ABI1: variants seen among roughly 807,000 people sequenced by gnomAD.
ABI1 encodes abl interactor 1.
ABI1 carries 14 observed loss-of-function variants against 54.6 expected under a neutral mutation model. That is an observed-to-expected ratio of 0.26 (90% CI 0.17 to 0.40). The LOEUF (loss-of-function observed/expected upper bound fraction) is 0.40, where lower values mean the gene tolerates loss of function less well. ABI1 is among the 10% of genes least tolerant of loss of function. The pLI, the probability that ABI1 is intolerant of heterozygous loss-of-function variation, is 1.00. For missense variants in ABI1, 443 were observed against 598.3 expected (o/e 0.74, Z 2.71); for synonymous variants, 194 against 209.3 (o/e 0.93, Z 0.63).
At chr10:26,786,566 C>A (rs1460474614) in intron 2 of ABI1, among the ~76,000 whole-genome samples, 1 of 152,128 alleles carries the variant, frequency 6.6e-6, no homozygotes, top group Non-Finnish European at 1.5e-5. Flanking sequence ...AGGTCCAGCA[C>A]TAGTACAAAT....
chr10:26,777,902 A>G (rs1841625091), intron 2 of ABI1, among the ~76,000 whole-genome samples: 1 of 152,124 alleles, frequency 6.6e-6, no homozygotes. Context: ...TTACAACACA[A>G]TGAGGCAAGT....
intron 6 of ABI1, among the ~76,000 whole-genome samples, chr10:26,767,763 A>T (rs973672215): frequency 6.6e-6 from 1 of 152,144 alleles, no homozygotes; most frequent in Non-Finnish European, 1.5e-5. Flanking sequence ...TAATAAATAC[A>T]AGGCCAGGAG....
chr10:26,751,950 ATCATT>A (rs1837688798), intron 9 of ABI1, among the ~76,000 whole-genome samples, 167 bp from the exon 10 acceptor site: 1 of 152,194 alleles, frequency 6.6e-6, no homozygotes, highest in African/African-American at 2.4e-5. Context: ...CTACTCAAGA[ATCATT>A]TAAAAATAAC....
chr10:26,853,907 C>G (rs960527214), intron 1 of ABI1, among the ~76,000 whole-genome samples: 1 of 152,108 alleles, frequency 6.6e-6, no homozygotes, highest in African/African-American at 2.4e-5. Context: ...GCACAATATC[C>G]TAGAGTTTGA....
At chr10:26,810,336 C>T (rs2047149858) in intron 2 of ABI1, among the ~76,000 whole-genome samples, 2 of 152,130 alleles carry the variant, frequency 1.3e-5, no homozygotes, top group South Asian at 4.1e-4. Flanking sequence ...ATGCAATCTG[C>T]ACCAGCCCCA....
chr10:26,800,308 C>G (rs2133356395), intron 2 of ABI1, among the ~76,000 whole-genome samples: 1 of 152,228 alleles, frequency 6.6e-6, no homozygotes, highest in East Asian at 1.9e-4. Context: ...TCGCTTGAAC[C>G]CTGGAGGCAG....
intron 1 of ABI1, among the ~76,000 whole-genome samples, chr10:26,843,974 ATG>A (rs1158507466): frequency 6.6e-6 from 1 of 152,208 alleles, no homozygotes; most frequent in Admixed American, 6.5e-5. Context: ...TGAACAGAAT[ATG>A]TCAGGACATA....
intron 8 of ABI1, among the ~76,000 whole-genome samples, chr10:26,757,928 T>TGTA (rs1295144487): frequency 2.0e-5 from 3 of 151,274 alleles, no homozygotes; most frequent in Non-Finnish European, 4.4e-5. Flanking sequence ...ATTGGCTAGG[T>TGTA]GTAGTGGCAG....
intron 2 of ABI1, among the ~76,000 whole-genome samples, chr10:26,809,652 T>C (rs1038885567): frequency 5.9e-5 from 9 of 152,210 alleles, no homozygotes; most frequent in African/African-American, 9.6e-5. Flanking sequence ...AGAATCAATA[T>C]ATAAGCCTTA....
At position 26,848,324 on chromosome 10, in the gene ABI1, A is replaced by C. The variant is rs181936494; in HGVS notation, c.117+12423T>G. Among the ~76,000 whole-genome samples the C allele has an allele frequency of 1.2e-3, 178 of 152,152 alleles. 1 individual carries two copies. In the South Asian group the frequency reaches 0.015, roughly 13 times the overall value. On this transcript the variant is annotated intron_variant, in intron 1 of 10. Coordinates refer to ENST00000376140, the MANE Select transcript of ABI1 (RefSeq NM_001012750.3). Reference sequence around the variant, plus strand: ...TCACATCTAATTTGGAACATACTCAAATTAGAAATGAATGATTGTTATATC... The same window carrying C: ...TCACATCTAATTTGGAACATACTCACATTAGAAATGAATGATTGTTATATC...
chr10:26,791,737 G>A (rs892184814), intron 2 of ABI1, among the ~76,000 whole-genome samples: 1 of 152,078 alleles, frequency 6.6e-6, no homozygotes, highest in African/African-American at 2.4e-5. Context: ...ATCTTACAGT[G>A]ATAGCACAGT....
intron 2 of ABI1, among the ~76,000 whole-genome samples, chr10:26,779,484 A>C (rs1841841960): frequency 6.6e-6 from 1 of 152,230 alleles, no homozygotes; most frequent in Non-Finnish European, 1.5e-5. Context: ...TAGAAGAGGG[A>C]GACAGGGGCA....
At chr10:26,841,435 G>A (rs10829100) in intron 1 of ABI1, among the ~76,000 whole-genome samples, 37,937 of 148,278 alleles carry the variant, frequency 0.26, 5,537 homozygotes, top group South Asian at 0.44. Flanking sequence ...TTGTGGCAAG[G>A]ACAGCTAAAA....
chr10:26,755,614 A>G, intron 9 of ABI1, 41 bp downstream of exon 9: 2 of 1,493,498 alleles, frequency 1.3e-6, no homozygotes, highest in South Asian at 1.1e-5. Flanking sequence ...CTATAAGGAG[A>G]CAGCCTCTAC....
chr10:26,834,397 T>C (rs1376587590), intron 1 of ABI1, among the ~76,000 whole-genome samples: 1 of 151,870 alleles, frequency 6.6e-6, no homozygotes, highest in Non-Finnish European at 1.5e-5. Context: ...CGACAACCCA[T>C]AGATGGAAGA....
intron 1 of ABI1, among the ~76,000 whole-genome samples, chr10:26,828,484 A>G (rs1589004655): frequency 6.6e-6 from 1 of 152,350 alleles, no homozygotes; most frequent in East Asian, 1.9e-4. Context: ...AAAGCGCAGT[A>G]AAGCAAAGCA....
chr10:26,846,142 A>AG (rs553263093), intron 1 of ABI1, among the ~76,000 whole-genome samples: 3 of 120,536 alleles, frequency 2.5e-5, no homozygotes, highest in South Asian at 5.3e-4. Context: ...ACTCCGTCTC[A>AG]AAAAAAAAAA....
intron 2 of ABI1, among the ~76,000 whole-genome samples, chr10:26,802,930 G>A (rs916768223): frequency 1.3e-5 from 2 of 152,228 alleles, no homozygotes; most frequent in African/African-American, 2.4e-5. Flanking sequence ...TAAGCCTACC[G>A]GGCACAGAAC....
In ABI1 at chr10:26,746,697, TATAATC is replaced by T; in HGVS notation, c.*1867_*1872del. 1.9e-6 allele frequency: 1 copy of T among 528,024 alleles called. No individual in the cohort carries two copies. 32.7% of individuals were successfully genotyped at this position (528,024 alleles called of 1,614,324 possible). On this transcript the variant is annotated 3_prime_UTR_variant, in exon 11 of 11. Coordinates refer to ENST00000376140, the MANE Select transcript of ABI1 (RefSeq NM_001012750.3). ...AATCTGTCATTCTAGTCCTATAAAT[TATAATC>T]AAGGTATCTTGATGGTTATATGTGG...
Sources: gnomAD v4.1 joint callset for allele counts (sites outside exome capture counted in the v4.1 genomes callset) on GRCh38, gnomAD v4.1.1 for gene constraint, MANE v1.5 for transcripts, NCBI Gene and HGNC (gene_info 2026-07-23, HGNC 2026-07-21) for gene names.